Variants in NFATC3 observed in about 807,000 individuals in gnomAD.
NFATC3 encodes the protein nuclear factor of activated T-cells, cytoplasmic 3.
A neutral mutation model predicts 98.6 loss-of-function variants in NFATC3; 46 were observed. The observed-to-expected ratio is 0.47, with a 90% CI of 0.37 to 0.60. The LOEUF is 0.60. Ranked by LOEUF, NFATC3 falls within the 20% of genes least tolerant of loss-of-function variation. NFATC3 has a pLI of 0.00. For missense variants in NFATC3, 1,256 were observed against 1,295.5 expected, an observed-to-expected ratio of 0.97 and a Z score of 0.47; for synonymous variants, 512 against 472.2, an observed-to-expected ratio of 1.08 and a Z score of -1.09.
chr16:68,100,676 G>A (rs981072968), intron 1 of NFATC3, among the ~76,000 whole-genome samples: 1 of 151,558 alleles, frequency 6.6e-6, no homozygotes, highest in Non-Finnish European at 1.5e-5. Context: ...ATCTTGGGCA[G>A]CATTTGGTAT....
At chr16:68,180,037 TC>T (rs2039887997) in intron 6 of NFATC3, among the ~76,000 whole-genome samples, 1 of 152,178 alleles carries the variant, frequency 6.6e-6, no homozygotes, top group Admixed American at 6.5e-5. Context: ...ACACAGCATT[TC>T]CGTGTACGGT....
At chr16:68,153,814 C>T (rs1020725803) in intron 3 of NFATC3, among the ~76,000 whole-genome samples, 7 of 151,936 alleles carry the variant, frequency 4.6e-5, no homozygotes, top group African/African-American at 1.7e-4. Flanking sequence ...GGAGTTTCAC[C>T]GTGTTAGCCA....
At chr16:68,137,610 T>C (rs960920478) in intron 3 of NFATC3, among the ~76,000 whole-genome samples, 1 of 151,876 alleles carries the variant, frequency 6.6e-6, no homozygotes, top group Non-Finnish European at 1.5e-5. Flanking sequence ...GTATATTTCA[T>C]TTTCCTTCTT....
Position 68,123,191 on chromosome 16 carries a change from A to G in NFATC3, c.1238+70A>G, listed in dbSNP as rs549552477. On this transcript the variant is annotated intron_variant, in intron 2 of 9. Coordinates refer to ENST00000346183, the MANE Select transcript of NFATC3 (RefSeq NM_173165.3). ...GTCATTGGTGGCATATAACTACATT[A>G]TCAGTATATAATGGTTATATAATGG... 6.4e-5 allele frequency: 95 copies of G among 1,478,126 alleles called. No individual in the cohort carries two copies. The East Asian group carries it at 2.2e-3, about 33-fold the overall frequency. The allele number at this position is 1,478,126 out of a possible 1,614,324, so 91.6% of individuals were successfully genotyped here. A position where few individuals can be genotyped will look rare whatever the true frequency, so the allele number is the denominator to read the frequency against.
intron 9 of NFATC3, chr16:68,221,354 TG>T: frequency 6.3e-7 from 1 of 1,590,656 alleles, no homozygotes; most frequent in Admixed American, 1.8e-5. Context: ...AGGACTTGCA[TG>T]ATTAACACTC....
intron 9 of NFATC3, among the ~76,000 whole-genome samples, chr16:68,212,002 G>A (rs2041425306): frequency 6.6e-6 from 1 of 152,202 alleles, no homozygotes; most frequent in African/African-American, 2.4e-5. Flanking sequence ...CATAGTGTGT[G>A]TTGGCCTCTT....
intron 3 of NFATC3, among the ~76,000 whole-genome samples, chr16:68,152,529 G>C (rs1329106528): frequency 6.6e-6 from 1 of 151,974 alleles, no homozygotes; most frequent in Non-Finnish European, 1.5e-5. Context: ...TGTTTTTAAA[G>C]AGAAAGAGCC....
chr16:68,111,776 A>G (rs989155779), intron 1 of NFATC3, among the ~76,000 whole-genome samples: 2 of 152,112 alleles, frequency 1.3e-5, no homozygotes, highest in Admixed American at 1.3e-4. Flanking sequence ...TTTGCTTTCC[A>G]TATTTAGTGC....
At chr16:68,143,096 A>G (rs992381261) in intron 3 of NFATC3, among the ~76,000 whole-genome samples, 1 of 151,536 alleles carries the variant, frequency 6.6e-6, no homozygotes, top group South Asian at 2.1e-4. Context: ...AAATTTAACC[A>G]GGCATGGTGG....
chr16:68,142,873 G>A (rs1045140679), intron 3 of NFATC3, among the ~76,000 whole-genome samples: 3 of 151,982 alleles, frequency 2.0e-5, no homozygotes, highest in Non-Finnish European at 4.4e-5. Flanking sequence ...CAACTTAAAT[G>A]CCCTTTACTT....
intron 1 of NFATC3, among the ~76,000 whole-genome samples, chr16:68,097,790 A>C (rs1489292754): frequency 6.6e-6 from 1 of 152,232 alleles, no homozygotes; most frequent in Non-Finnish European, 1.5e-5. Context: ...ACACATGTAG[A>C]GACCCATGAA....
chr16:68,184,842 A>G (rs1422278059), intron 8 of NFATC3, among the ~76,000 whole-genome samples: 2 of 149,838 alleles, frequency 1.3e-5, no homozygotes, highest in East Asian at 3.9e-4. Flanking sequence ...AACAAAAAAC[A>G]CACAAATAGT....
rs114241416 is a variant in NFATC3 at position 68,187,414 on chromosome 16, G to C, written c.2099-3354G>C. ...CCCTGTTTGTATTACAACTCTTTCA[G>C]CCCCACTGAGTTCTTGTCCTGTGCC... is the stretch of plus-strand genomic sequence containing the variant. On this transcript the variant is annotated intron_variant, in intron 8 of 9. Transcript: ENST00000346183. 7.8e-3 allele frequency among the ~76,000 whole-genome samples: 1,192 copies of C among 152,282 alleles called. 20 individuals carry two copies. Among genetic ancestry groups the C allele is most frequent in the African/African-American group, 0.027 (1,130 of 41,570 alleles).
chr16:68,226,288 T>C (rs1293747882), intron 9 of NFATC3, 62 bp from the exon 10 acceptor site: 12 of 1,523,348 alleles, frequency 7.9e-6, no homozygotes, highest in African/African-American at 1.5e-5. Flanking sequence ...AGCTCAGCGT[T>C]GGGCATCATA....
rs534805648 is a variant in NFATC3, at chr16:68,110,335, G to A, written c.104-11652G>A. Among the ~76,000 whole-genome samples the A allele has an allele frequency of 3.6e-5, 5 of 138,038 alleles. No homozygotes were observed. In the East Asian group the frequency reaches 1.1e-3, roughly 30 times the overall value. The allele number at this position is 138,038 out of a possible 152,430, so 90.6% of individuals were successfully genotyped here. A position where few individuals can be genotyped will look rare whatever the true frequency, so the allele number is the denominator to read the frequency against. ...TTTTTTTTTTTTTTTTCGAGACGAA[G>A]TCTCGCTCTGTTGCCCAGGCTGGAG... On this transcript the variant is annotated intron_variant, in intron 1 of 9. Coordinates refer to ENST00000346183, the MANE Select transcript of NFATC3 (RefSeq NM_173165.3).
rs368063770 is a variant in NFATC3, at chr16:68,148,840, C to T, written c.1402-9029C>T. 2.4e-4 allele frequency among the ~76,000 whole-genome samples: 37 copies of T among 152,122 alleles called. 1 individual carries two copies. In the East Asian group the frequency reaches 6.8e-3, roughly 28 times the overall value. On this transcript the variant is annotated intron_variant, in intron 3 of 9. Transcript: ENST00000346183. The stretch of plus-strand genomic sequence containing the variant: ...TGGCCAACATGGTGAAACCCTGTCT[C>T]TACTAAAAATACAAAAAAATTAGCC...
chr16:68,123,147 T>C, intron 2 of NFATC3, 26 bp downstream of exon 2: 1 of 1,571,290 alleles, frequency 6.4e-7, no homozygotes, highest in South Asian at 1.2e-5. Flanking sequence ...TGGCTGCTGG[T>C]CATTTTTCAT....
At chr16:68,131,729 C>T (rs1411620024) in intron 3 of NFATC3, among the ~76,000 whole-genome samples, 1 of 150,908 alleles carries the variant, frequency 6.6e-6, no homozygotes, top group Non-Finnish European at 1.5e-5. Context: ...GTCAAGCATT[C>T]GTCTTGCCTC....
intron 6 of NFATC3, among the ~76,000 whole-genome samples, chr16:68,180,247 C>T (rs1036283494): frequency 6.6e-6 from 1 of 152,148 alleles, no homozygotes; most frequent in Non-Finnish European, 1.5e-5. Context: ...TTTTCAACAT[C>T]TGAAATATAA....
Sources: allele counts gnomAD v4.1 joint callset (sites outside exome capture counted in the v4.1 genomes callset), GRCh38; gene constraint gnomAD v4.1.1; transcripts MANE v1.5; gene names NCBI Gene and HGNC (gene_info 2026-07-23, HGNC 2026-07-21).